Variants in MROH1 observed in about 807,000 individuals in gnomAD.
MROH1 encodes maestro heat-like repeat-containing protein family member 1.
In MROH1, 117 loss-of-function variants were observed where a neutral mutation model predicts 116.5. The observed-to-expected ratio is 1.00, with a 90% CI of 0.86 to 1.17. The LOEUF (loss-of-function observed/expected upper bound fraction) is 1.17, where lower values mean the gene tolerates loss of function less well. MROH1 is among the 50% of genes most tolerant of loss of function. The probability of loss-of-function intolerance (pLI) is 0.00; values close to 1 mark genes in which losing one functional copy is unlikely to be tolerated. For missense variants in MROH1, 1,873 were observed against 1,338.5 expected (o/e 1.40, Z -6.23); for synonymous variants, 921 against 583.9 (o/e 1.58, Z -8.32).
chr8:144,255,390 G>C (rs1023222471), intron 34 of MROH1, 119 bp from the exon 35 acceptor site: 51 of 680,218 alleles, frequency 7.5e-5, no homozygotes, highest in East Asian at 6.5e-4. Context: ...GCTGCAGCTG[G>C]GATCTGAGAC....
intron 4 of MROH1, among the ~76,000 whole-genome samples, chr8:144,176,986 C>T (rs1389276281): frequency 2.0e-5 from 3 of 152,080 alleles, no homozygotes; most frequent in Non-Finnish European, 2.9e-5. Context: ...CTCACTGCGG[C>T]GCCAACACTC....
intron 12 of MROH1, among the ~76,000 whole-genome samples, chr8:144,208,921 A>G (rs113954825): frequency 0.019 from 2,822 of 151,892 alleles, 39 homozygotes; most frequent in Middle Eastern, 0.041. Flanking sequence ...ACAGGGTTTC[A>G]CTGTGTTGGC....
chr8:144,223,072 G>A (rs375805917), intron 13 of MROH1, 36 bp from the exon 14 acceptor site: 59 of 1,611,942 alleles, frequency 3.7e-5, no homozygotes, highest in South Asian at 3.0e-4. Flanking sequence ...CAGTCTCTGC[G>A]TCCCCTTCCT....
intron 12 of MROH1, among the ~76,000 whole-genome samples, chr8:144,211,275 C>T (rs1030492617): frequency 6.6e-6 from 1 of 152,218 alleles, no homozygotes; most frequent in African/African-American, 2.4e-5. Context: ...TCAGTCTTAG[C>T]AGCATTGATG....
intron 29 of MROH1, 36 bp from the exon 30 acceptor site, chr8:144,247,265 C>A: frequency 1.3e-6 from 1 of 760,924 alleles, no homozygotes; most frequent in East Asian, 2.4e-5. Context: ...CCACCCACCC[C>A]CAGCATTCTA....
At chr8:144,195,244 G>A (rs1345133648) in intron 10 of MROH1, among the ~76,000 whole-genome samples, 2 of 135,686 alleles carry the variant, frequency 1.5e-5, no homozygotes, top group Non-Finnish European at 3.1e-5. Context: ...GCTCATGCCT[G>A]TAATCCCAGC....
chr8:144,169,701 G>A (rs1383932166), intron 4 of MROH1, among the ~76,000 whole-genome samples: 1 of 140,816 alleles, frequency 7.1e-6, no homozygotes, highest in Non-Finnish European at 1.5e-5. Context: ...GGAGTGCAGT[G>A]GCGTGATCTC....
chr8:144,246,065 CTCCTTCCTT>C (rs1262040590), intron 29 of MROH1, among the ~76,000 whole-genome samples: 2,469 of 125,628 alleles, frequency 0.02, 71 homozygotes, highest in African/African-American at 0.063. Context: ...CCCTCCCTTC[CTCCTTCCTT>C]TCCTTCCTTT....
intron 3 of MROH1, among the ~76,000 whole-genome samples, chr8:144,164,115 A>G (rs1484765597): frequency 1.5e-4 from 22 of 142,224 alleles, no homozygotes; most frequent in Non-Finnish European, 2.5e-4. Context: ...TTTTTTTAAG[A>G]CAGGGTCGGC....
intron 1 of MROH1, 75 bp from the exon 2 acceptor site, chr8:144,160,895 C>T (rs1432097621): frequency 2.0e-5 from 3 of 152,712 alleles, no homozygotes; most frequent in Non-Finnish European, 4.4e-5. Context: ...GGCTGCTTCC[C>T]TTCCTGGTGC....
At chr8:144,181,509 C>T (rs116436581) in intron 7 of MROH1, among the ~76,000 whole-genome samples, 1,802 of 152,312 alleles carry the variant, frequency 0.012, 31 homozygotes, top group African/African-American at 0.041. Context: ...CCTTGCGCTC[C>T]GTCTCTCCTG....
chr8:144,169,938 A>G (rs963102152), intron 4 of MROH1, among the ~76,000 whole-genome samples: 3 of 152,218 alleles, frequency 2.0e-5, no homozygotes, highest in African/African-American at 7.2e-5. Flanking sequence ...AGTTCAAGCA[A>G]TTCTCCTGCC....
At chr8:144,217,869 C>G (rs2132280379) in intron 12 of MROH1, among the ~76,000 whole-genome samples, 1 of 152,272 alleles carries the variant, frequency 6.6e-6, no homozygotes, top group African/African-American at 2.4e-5. Flanking sequence ...CTCTGGGTGG[C>G]TGTGTTAGTG....
intron 14 of MROH1, among the ~76,000 whole-genome samples, chr8:144,227,773 G>A (rs1246912749): frequency 6.6e-6 from 1 of 151,988 alleles, no homozygotes; most frequent in Non-Finnish European, 1.5e-5. Context: ...AACATAGCGA[G>A]ACCTTATCTC....
At chr8:144,255,415 T>G in intron 34 of MROH1, 94 bp from the exon 35 acceptor site, 1 of 709,966 alleles carries the variant, frequency 1.4e-6, no homozygotes, top group Non-Finnish European at 2.6e-6. Context: ...GAGCACATGA[T>G]GCAGGCGAAG....
At position 144,172,705 on chromosome 8, in the gene MROH1, G is replaced by A. The variant is rs149014895; in HGVS notation, c.168+4265G>A. Among the ~76,000 whole-genome samples the A allele has an allele frequency of 8.3e-3, 1,268 of 152,178 alleles. 24 individuals are homozygous for A. Among genetic ancestry groups the A allele is most frequent in the African/African-American group, 0.028 (1,152 of 41,518 alleles). ...ATTACAGGTGCGAGCCACCGTGCCC[G>A]GCCAGTCTAACTCTTTTAACCAGTT... is the stretch of plus-strand genomic sequence containing the variant. On this transcript the variant is annotated intron_variant, in intron 4 of 43. Coordinates refer to ENST00000326134, the MANE Select transcript of MROH1 (RefSeq NM_032450.3).
At chr8:144,258,714 GTT>G in intron 35 of MROH1, 61 bp from the exon 36 acceptor site, 1 of 717,224 alleles carries the variant, frequency 1.4e-6, no homozygotes, top group South Asian at 1.5e-5. Flanking sequence ...GACCTGAGGA[GTT>G]AATCAGGAAG....
Position 144,180,268 on chromosome 8 carries a change from C to T in MROH1, c.391C>T (p.Arg131Cys), listed in dbSNP as rs200022874. 955 of 1,611,370 alleles carry T rather than the reference C, an allele frequency of 5.9e-4. No individual in the cohort carries two copies. The highest frequency in any genetic ancestry group is 2.1e-3 in the Middle Eastern group (13 of 6,060). Residue 131 changes from arginine (R) to cysteine (C), a missense_variant, in exon 6 of 44, where the codon CGC becomes TGC. Transcript: ENST00000326134. This position sits in a 1 kb window ranked among gnomAD's most constrained non-coding sequence, Gnocchi z 7.4. ...FISKVMEELL[R>C]RLHPGTLPHC... is the part of the protein sequence containing the mutation. ...CAGCAAGGTGATGGAGGAGCTGCTG[C>T]GCAGGCTGCACCCTGGGACCCTGCC...
chr8:144,239,605 T>C lies in MROH1; in HGVS notation c.1633-9T>C. 1 of 772,156 alleles carries C rather than the reference T, an allele frequency of 1.3e-6. No homozygotes were observed. Among genetic ancestry groups the C allele is most frequent in the South Asian group, 1.4e-5 (1 of 73,050 alleles). 47.8% of individuals were successfully genotyped at this position (772,156 alleles called of 1,614,324 possible). A position where few individuals can be genotyped will look rare whatever the true frequency, so the allele number is the denominator to read the frequency against. ...GCTCAGACCCGGCTCCCACGCTGCCTCTTTTCAGGTTGTGTCTTCCAGCCC... is the reference window on the plus strand; with the variant it reads ...GCTCAGACCCGGCTCCCACGCTGCCCCTTTTCAGGTTGTGTCTTCCAGCCC... On this transcript the variant is annotated splice_polypyrimidine_tract_variant and intron_variant, in intron 17 of 43. Transcript: ENST00000326134.
Sources: allele counts gnomAD v4.1 joint callset (sites outside exome capture counted in the v4.1 genomes callset), GRCh38; gene constraint gnomAD v4.1.1; non-coding constraint Gnocchi (gnomAD v3.1); transcripts MANE v1.5; gene names NCBI Gene and HGNC (gene_info 2026-07-23, HGNC 2026-07-21).